The following ABCA13 variants were observed in gnomAD, a reference collection of about 807,000 sequenced individuals.
ABCA13 encodes ATP binding cassette subfamily A member 13.
ABCA13 carries 476 observed loss-of-function variants against 478.7 expected under a neutral mutation model. That is an observed-to-expected ratio of 0.99 (90% CI 0.92 to 1.07). The LOEUF (loss-of-function observed/expected upper bound fraction) is 1.07, where lower values mean the gene tolerates loss of function less well. Ranked by LOEUF, ABCA13 falls within the 50% of genes least tolerant of loss-of-function variation. The pLI is 0.00. For synonymous variants in ABCA13, 2,252 were observed against 2,158.9 expected, an observed-to-expected ratio of 1.04 and a Z score of -1.20; for missense variants, 6,060 against 5,910.6, an observed-to-expected ratio of 1.03 and a Z score of -0.83.
At chr7:48,292,230 C>A (rs775871094) in intron 20 of ABCA13, among the ~76,000 whole-genome samples, 36 of 152,156 alleles carry the variant, frequency 2.4e-4, no homozygotes, top group Non-Finnish European at 4.1e-4. Context: ...ATTTTTCCCA[C>A]CCCTGGTGTT....
At chr7:48,571,562 G>T (rs534240157) in intron 55 of ABCA13, among the ~76,000 whole-genome samples, 3 of 151,482 alleles carry the variant, frequency 2.0e-5, no homozygotes, top group African/African-American at 7.3e-5. Flanking sequence ...TGTCTGTTAA[G>T]AAAGCAGCTA....
intron 8 of ABCA13, among the ~76,000 whole-genome samples, chr7:48,235,758 A>T (rs143019702): frequency 9.6e-4 from 146 of 152,346 alleles, no homozygotes; most frequent in African/African-American, 3.4e-3. Flanking sequence ...AGACAGATAA[A>T]GAAGAGGAAA....
At chr7:48,552,963 C>T (rs1159975800) in intron 55 of ABCA13, among the ~76,000 whole-genome samples, 6 of 148,004 alleles carry the variant, frequency 4.1e-5, no homozygotes, top group Non-Finnish European at 7.7e-5. Context: ...TCCCTCCCTA[C>T]ACACCCACTA....
intron 42 of ABCA13, among the ~76,000 whole-genome samples, chr7:48,452,549 C>G (rs967076815): frequency 1.3e-5 from 2 of 152,198 alleles, no homozygotes; most frequent in Non-Finnish European, 2.9e-5. Flanking sequence ...TTTTGTATCA[C>G]TTAACAAATA....
In ABCA13 at chr7:48,273,084, A is replaced by C; in HGVS notation, c.3418A>C (p.Lys1140Gln). 1 of 1,613,656 alleles carries C rather than the reference A, an allele frequency of 6.2e-7. No individual in the cohort carries two copies. The highest frequency in any genetic ancestry group is 8.5e-7 in the Non-Finnish European group (1 of 1,179,750). The change falls in exon 17 of 62, where the codon AAG becomes CAG. Residue 1140 changes from lysine to glutamine, a missense_variant. By Grantham distance (53) the Lys-to-Gln change is moderately conservative. Around this residue, in one of 3 missense-constraint regions of ABCA13, gnomAD observed 4,423 missense variants for 4,309.1 expected, o/e 1.03. Transcript: ENST00000435803. ...CTCAGCAAATGTCAGTGTGTTCAAC[A>C]AGTTTATGTCCATTCACTGTACCGT... is the stretch of plus-strand genomic sequence containing the variant. ...NLSANVSVFN[K>Q]FMSIHCTVSW...
chr7:48,426,901 C>A (rs1345443037), intron 41 of ABCA13, among the ~76,000 whole-genome samples: 2 of 149,162 alleles, frequency 1.3e-5, no homozygotes, highest in East Asian at 4.0e-4. Context: ...TACAACGAGG[C>A]AGCCAACACT....
chr7:48,313,304 T>C, intron 25 of ABCA13, 73 bp downstream of exon 25: 1 of 1,448,750 alleles, frequency 6.9e-7, no homozygotes, highest in Non-Finnish European at 9.3e-7. Flanking sequence ...CTTTTTGCCT[T>C]TATCTTCCCA....
chr7:48,279,825 T>G lies in ABCA13; in HGVS notation c.8631T>G (p.Pro2877=), dbSNP rs371085921. 6.3e-7 allele frequency: 1 copy of G among 1,590,666 alleles called. No individual in the cohort carries two copies. The highest frequency in any genetic ancestry group is 8.5e-7 in the Non-Finnish European group (1 of 1,171,888). Residue 2877 remains proline (P), a synonymous_variant, in exon 18 of 62, where the codon CCT becomes CCG. Transcript: ENST00000435803. ...ERTKKEMIDF[P]YSFKPFFCLE... ...CCAAGAAAGAGATGATTGACTTTCCTTATAGTTTCAAACCATTTTTCTGTT... is the reference window on the plus strand; with the variant it reads ...CCAAGAAAGAGATGATTGACTTTCCGTATAGTTTCAAACCATTTTTCTGTT...
intron 58 of ABCA13, among the ~76,000 whole-genome samples, chr7:48,609,763 G>A (rs1046422600): frequency 2.2e-4 from 33 of 151,994 alleles, no homozygotes; most frequent in African/African-American, 7.7e-4. Flanking sequence ...CACATCTTAC[G>A]TGGCCAGAGA....
rs151305033 is a variant in ABCA13, at chr7:48,472,733, G to A, written c.12975+1134G>A. ...CCATTTATATAGGGCTCAAAAAACC[G>A]GTTAGGACTAGGTGTGTCATTTCCA... On this transcript the variant is annotated intron_variant, in intron 45 of 61. Transcript: ENST00000435803. Among the ~76,000 whole-genome samples the A allele has an allele frequency of 6.7e-3, 1,023 of 152,226 alleles. 5 individuals are homozygous for A. The highest frequency in any genetic ancestry group is 0.011 in the Non-Finnish European group (741 of 68,010).
chr7:48,179,795 C>G (rs940801359), intron 1 of ABCA13, among the ~76,000 whole-genome samples: 3 of 152,224 alleles, frequency 2.0e-5, no homozygotes, highest in Non-Finnish European at 4.4e-5. Context: ...AGAGCACACT[C>G]TCTCCTTCTT....
chr7:48,416,083 G>A (rs968151405), intron 41 of ABCA13, among the ~76,000 whole-genome samples: 5 of 152,144 alleles, frequency 3.3e-5, no homozygotes, highest in African/African-American at 1.2e-4. Context: ...AGTGTCAGCT[G>A]TGCTGTTTCA....
chr7:48,198,137 T>C lies in ABCA13; in HGVS notation c.164-100T>C. Reference sequence around the variant, plus strand: ...TTTAAATTAATAGCAAGGTTAATAATATAATAATATGATGTTATATATTAC... The same window carrying C: ...TTTAAATTAATAGCAAGGTTAATAACATAATAATATGATGTTATATATTAC... On this transcript the variant is annotated intron_variant, in intron 2 of 61. Transcript: ENST00000435803. 6 of 1,187,114 alleles carry C rather than the reference T, an allele frequency of 5.1e-6. No homozygotes were observed. The South Asian group carries it at 1.2e-4, about 23-fold the overall frequency. 73.5% of individuals were successfully genotyped at this position (1,187,114 alleles called of 1,614,324 possible). A position where few individuals can be genotyped will look rare whatever the true frequency, so the allele number is the denominator to read the frequency against.
intron 48 of ABCA13, among the ~76,000 whole-genome samples, chr7:48,492,117 A>G (rs1437516684): frequency 6.6e-6 from 1 of 152,160 alleles, no homozygotes; most frequent in Non-Finnish European, 1.5e-5. Flanking sequence ...TTTTCTTAGA[A>G]CCCAGGCTGG....
chr7:48,276,654 G>C (rs1796346142), intron 17 of ABCA13, 89 bp downstream of exon 17: 2 of 1,057,812 alleles, frequency 1.9e-6, no homozygotes, highest in African/African-American at 3.2e-5. Context: ...GTCAAAAACA[G>C]TATTTGTATC....
intron 3 of ABCA13, among the ~76,000 whole-genome samples, chr7:48,206,583 T>C (rs7791246): frequency 0.2 from 30,673 of 152,040 alleles, 3,325 homozygotes; most frequent in Middle Eastern, 0.25. Context: ...AGGATGTTCT[T>C]TTCTGTTTTT....
chr7:48,600,158 C>T (rs1030561244), intron 58 of ABCA13, among the ~76,000 whole-genome samples: 1 of 152,114 alleles, frequency 6.6e-6, no homozygotes, highest in Admixed American at 6.6e-5. Context: ...ACTTTCTTAT[C>T]ATTATGAAAT....
chr7:48,222,640 G>A (rs1787536152), intron 5 of ABCA13, among the ~76,000 whole-genome samples: 1 of 152,114 alleles, frequency 6.6e-6, no homozygotes, highest in Non-Finnish European at 1.5e-5. Flanking sequence ...AAAAGCAGAG[G>A]ACAGTATCAT....
chr7:48,408,201 T>C (rs1818511503), intron 39 of ABCA13, among the ~76,000 whole-genome samples: 1 of 152,218 alleles, frequency 6.6e-6, no homozygotes, highest in African/African-American at 2.4e-5. Context: ...ACTGAAACTT[T>C]GTATCCCTTA....
Sources: gnomAD v4.1 joint callset for allele counts (sites outside exome capture counted in the v4.1 genomes callset) on GRCh38, gnomAD v4.1.1 for gene constraint, gnomAD v4.1.1 regional missense constraint, MANE v1.5 for transcripts, NCBI Gene and HGNC (gene_info 2026-07-23, HGNC 2026-07-21) for gene names.